The following GIMAP5 variants were observed in gnomAD, a reference collection of about 807,000 sequenced individuals.
The protein encoded by GIMAP5 is GTPase, IMAP family member 5, also known as GTPase IMAP family member 5.
Under a neutral mutation model 9.9 loss-of-function variants are expected in GIMAP5, and 8 were observed. That is an observed-to-expected ratio of 0.81 (90% confidence interval 0.47 to 1.45). GIMAP5 has a LOEUF of 1.45. GIMAP5 is among the 40% of genes most tolerant of loss of function. The pLI, the probability that GIMAP5 is intolerant of heterozygous loss-of-function variation, is 0.00. For synonymous variants in GIMAP5, 174 were observed against 151.4 expected (o/e 1.15, Z -1.09); for missense variants, 353 against 367.4 (o/e 0.96, Z 0.32).
Position 150,737,617 on chromosome 7 carries a change from C to T in GIMAP5, c.-98C>T. 6.5e-7 allele frequency: 1 copy of T among 1,535,700 alleles called. No homozygotes were observed. Among genetic ancestry groups the T allele is most frequent in the Non-Finnish European group, 8.7e-7 (1 of 1,146,882 alleles). On this transcript the variant is annotated 5_prime_UTR_variant, in exon 1 of 3. Coordinates refer to ENST00000358647, the MANE Select transcript of GIMAP5 (RefSeq NM_018384.5). ...GCACACAGACGCAGAGCAGGACTCT[C>T]TCTGCTGCCACTTCACCTTCCTGAG...
intron 1 of GIMAP5, 153 bp downstream of exon 1, chr7:150,737,861 C>T (rs560930995): frequency 3.1e-4 from 197 of 643,908 alleles, no homozygotes; most frequent in Non-Finnish European, 4.7e-4. Flanking sequence ...ATGAGTGTTG[C>T]GGGCATCAGC....
In GIMAP5 at chr7:150,742,334, G is replaced by C. The variant is rs373215949; in HGVS notation, c.195G>C (p.Thr65=). Residue 65 remains threonine (T), a synonymous_variant, in exon 3 of 3, where the codon ACG becomes ACC. Transcript: ENST00000358647. ...SKLRAQSVTR[T]CQVKTGTWNG... ...TGAGGGCCCAGTCAGTGACCAGGAC[G>C]TGCCAGGTGAAAACAGGAACATGGA... 2 of 1,614,166 alleles carry C rather than the reference G, an allele frequency of 1.2e-6. No homozygotes were observed. The highest frequency in any genetic ancestry group is 1.7e-5 in the Admixed American group (1 of 60,020).
chr7:150,739,650 G>C (rs1797565927), intron 1 of GIMAP5: 1 of 152,052 alleles, frequency 6.6e-6, no homozygotes, highest in Admixed American at 6.5e-5. Context: ...ATTTACCAGA[G>C]ACGAGAACAG....
Position 150,742,268 on chromosome 7 carries a change from A to G in GIMAP5, c.129A>G (p.Thr43=), listed in dbSNP as rs781482758. 2 of 1,614,248 alleles carry G rather than the reference A, an allele frequency of 1.2e-6. No homozygotes were observed. Among genetic ancestry groups the G allele is most frequent in the Non-Finnish European group, 1.7e-6 (2 of 1,180,038 alleles). The change falls in exon 3 of 3, where the codon ACA becomes ACG. Residue 43 remains threonine (T), a synonymous_variant. Transcript: ENST00000358647. ...VGKTGCGKSA[T]GNSILGQPVF... is the part of the protein sequence containing the mutation. ...AAACAGGCTGCGGGAAAAGTGCCACAGGGAACAGCATCCTTGGCCAGCCCG... is the reference window on the plus strand; with the variant it reads ...AAACAGGCTGCGGGAAAAGTGCCACGGGGAACAGCATCCTTGGCCAGCCCG...
rs149695569 is a variant in GIMAP5 at position 150,742,253 on chromosome 7, C to T, written c.114C>T (p.Cys38=). Residue 38 remains cysteine, a synonymous_variant, in exon 3 of 3, where the codon TGC becomes TGT. Coordinates refer to ENST00000358647, the MANE Select transcript of GIMAP5 (RefSeq NM_018384.5). ...LRIILVGKTG[C]GKSATGNSIL... is the part of the protein sequence containing the mutation. ...TTATCCTAGTGGGCAAAACAGGCTG[C>T]GGGAAAAGTGCCACAGGGAACAGCA... is the stretch of plus-strand genomic sequence containing the variant. 165 of 1,614,036 alleles carry T rather than the reference C, an allele frequency of 1.0e-4. No homozygotes were observed. Among genetic ancestry groups the T allele is most frequent in the Non-Finnish European group, 1.3e-4 (150 of 1,180,032 alleles).
Position 150,743,155 on chromosome 7 carries a change from G to T in GIMAP5, c.*92G>T, listed in dbSNP as rs10361. 2.6e-3 allele frequency: 3,897 copies of T among 1,471,074 alleles called. 9 individuals carry two copies. The highest frequency in any genetic ancestry group is 3.3e-3 in the Non-Finnish European group (3,616 of 1,099,254). 91.1% of individuals were successfully genotyped at this position (1,471,074 alleles called of 1,614,324 possible). ...TCAGACTCAGATCCTCGTGGTCTAT[G>T]GAGCATGCTGCTTGCTGTCTGTGCA... On this transcript the variant is annotated 3_prime_UTR_variant, in exon 3 of 3. Transcript: ENST00000358647.
At position 150,737,576 on chromosome 7, in the gene GIMAP5, T is replaced by C; in HGVS notation, c.-139T>C. 1 of 1,535,658 alleles carries C rather than the reference T, an allele frequency of 6.5e-7. No individual in the cohort carries two copies. The highest frequency in any genetic ancestry group is 1.2e-5 in the South Asian group (1 of 84,060). ...GCGTCTGCTCAACCTCCCTCAGCCC[T>C]GTGAACAGCATCCCCGCACACAGAC... On this transcript the variant is annotated 5_prime_UTR_variant, in exon 1 of 3. Transcript: ENST00000358647.
rs769731120 is a variant in GIMAP5 at position 150,742,506 on chromosome 7, T to A, written c.367T>A (p.Phe123Ile). 1 of 1,614,126 alleles carries A rather than the reference T, an allele frequency of 6.2e-7. No homozygotes were observed. Reference sequence around the variant, plus strand: ...GCTTCTGGTGATCCAGCTGGGGCGTTTCACTGCTCAGGACACAGTGGCCAT... The same window carrying A: ...GCTTCTGGTGATCCAGCTGGGGCGTATCACTGCTCAGGACACAGTGGCCAT... ...VLLLVIQLGR[F>I]TAQDTVAIRK... The change falls in exon 3 of 3, where the codon TTC becomes ATC. Residue 123 changes from phenylalanine to isoleucine, a missense_variant. Physicochemically the swap from Phe to Ile is conservative, Grantham distance 21 (BLOSUM62 0). Transcript: ENST00000358647.
At position 150,742,760 on chromosome 7, in the gene GIMAP5, T is replaced by A; in HGVS notation, c.621T>A (p.Ile207=). The change falls in exon 3 of 3, where the codon ATT becomes ATA. Residue 207 remains isoleucine (I), a synonymous_variant. Transcript: ENST00000358647. ...AGCAGGCAGAGCTCCTGGCTGTGAT[T>A]GAGAGGCTGGGGAGGGAGCGAGAGG... ...RQQQAELLAV[I]ERLGREREGS... is the part of the protein sequence containing the mutation. 1 of 1,614,096 alleles carries A rather than the reference T, an allele frequency of 6.2e-7. No homozygotes were observed. The highest frequency in any genetic ancestry group is 8.5e-7 in the Non-Finnish European group (1 of 1,180,000).
chr7:150,740,734 A>T (rs1797581949), intron 1 of GIMAP5, 145 bp from the exon 2 acceptor site: 1 of 733,368 alleles, frequency 1.4e-6, no homozygotes, highest in Non-Finnish European at 2.3e-6. Context: ...AGATGTTTCA[A>T]AGTAAAGTAT....
rs1797625743 is a variant in GIMAP5 at position 150,742,943 on chromosome 7, A to G, written c.804A>G (p.Ala268=). ...TGAGGGAGAACGAGAGTAACTGGGC[A>G]TACAAGGCGCTCCTCAGAGTCAAAC... The part of the protein sequence containing the change: ...QELRENESNW[A]YKALLRVKHL... Residue 268 remains alanine (A), a synonymous_variant, in exon 3 of 3, where the codon GCA becomes GCG. Coordinates refer to ENST00000358647, the MANE Select transcript of GIMAP5 (RefSeq NM_018384.5). 1.9e-6 allele frequency: 3 copies of G among 1,614,134 alleles called. No individual in the cohort carries two copies. Among genetic ancestry groups the G allele is most frequent in the African/African-American group, 1.3e-5 (1 of 74,936 alleles).
chr7:150,741,556 G>A (rs1040621011), intron 2 of GIMAP5, among the ~76,000 whole-genome samples: 6 of 152,110 alleles, frequency 3.9e-5, no homozygotes, highest in Admixed American at 1.3e-4. Context: ...ACCTTTTTGA[G>A]CCATCCACCC....
In GIMAP5 at chr7:150,742,563, G is replaced by A. The variant is rs1203010238; in HGVS notation, c.424G>A (p.Ala142Thr). 1.2e-6 allele frequency: 2 copies of A among 1,614,174 alleles called. No individual in the cohort carries two copies. Among genetic ancestry groups the A allele is most frequent in the Non-Finnish European group, 8.5e-7 (1 of 1,180,032 alleles). ...RKVKEVFGTG[A>T]MRHVVILFTH... ...GGTGAAAGAGGTCTTTGGGACAGGGGCCATGAGACATGTGGTCATCCTCTT... is the reference window on the plus strand; with the variant it reads ...GGTGAAAGAGGTCTTTGGGACAGGGACCATGAGACATGTGGTCATCCTCTT... Residue 142 changes from alanine (A) to threonine (T), a missense_variant, in exon 3 of 3, where the codon GCC (alanine) becomes ACC (threonine). Ala to Thr is a moderately conservative substitution (Grantham distance 58, BLOSUM62 0). Transcript: ENST00000358647.
rs1223211093 is a variant in GIMAP5, at chr7:150,743,554, G to A, written c.*491G>A. The A allele has an allele frequency of 6.4e-6, 1 of 155,118 alleles. No homozygotes were observed. Among genetic ancestry groups the A allele is most frequent in the African/African-American group, 2.4e-5 (1 of 41,478 alleles). The allele number at this position is 155,118 out of a possible 1,614,324, so 9.6% of individuals were successfully genotyped here. ...TATCTCCGCATTTCCAGTTGTATTA[G>A]CCAATAGATTTCCTACTTATTTAAG... is the stretch of plus-strand genomic sequence containing the variant. On this transcript the variant is annotated 3_prime_UTR_variant, in exon 3 of 3. Transcript: ENST00000358647.
chr7:150,739,636 C>G (rs1797565745), intron 1 of GIMAP5: 1 of 151,688 alleles, frequency 6.6e-6, no homozygotes, highest in South Asian at 2.1e-4. Context: ...AAGCCAGAAG[C>G]ATAATTTACC....
Position 150,742,472 on chromosome 7 carries a change from C to G in GIMAP5, c.333C>G (p.Pro111=), listed in dbSNP as rs140492772. 5.6e-6 allele frequency: 9 copies of G among 1,614,050 alleles called. No individual in the cohort carries two copies. The highest frequency in any genetic ancestry group is 7.6e-6 in the Non-Finnish European group (9 of 1,180,018). ...GDCYLLSAPG[P]HVLLLVIQLG... is the part of the protein sequence containing the mutation. The stretch of plus-strand genomic sequence containing the variant: ...GCTACCTGCTCTCTGCCCCGGGGCC[C>G]CACGTCCTGCTTCTGGTGATCCAGC... Residue 111 remains proline (P), a synonymous_variant, in exon 3 of 3, where the codon CCC becomes CCG. Transcript: ENST00000358647.
At chr7:150,737,778 T>C (rs1413466491) in intron 1 of GIMAP5, 70 bp downstream of exon 1, 7 of 1,294,516 alleles carry the variant, frequency 5.4e-6, no homozygotes. Flanking sequence ...GTCACAGCTG[T>C]TCATTTCTGA....
chr7:150,740,257 A>G (rs2116575364), intron 1 of GIMAP5: 1 of 152,148 alleles, frequency 6.6e-6, no homozygotes, highest in East Asian at 1.9e-4. Context: ...TCACCTCACT[A>G]CCTCCTCTCC....
chr7:150,739,668 G>A (rs1214355244), intron 1 of GIMAP5: 2 of 152,066 alleles, frequency 1.3e-5, no homozygotes, highest in Admixed American at 1.3e-4. Context: ...CAGGGTGTGG[G>A]AGAGAGGAAA....
Sources: allele counts gnomAD v4.1 joint callset (sites outside exome capture counted in the v4.1 genomes callset), GRCh38; gene constraint gnomAD v4.1.1; transcripts MANE v1.5; gene names NCBI Gene and HGNC (gene_info 2026-07-23, HGNC 2026-07-21).